The following LOXL3 variants were observed in gnomAD, a reference collection of about 807,000 sequenced individuals.
The protein encoded by LOXL3 is lysyl oxidase like 3, also known as lysyl oxidase homolog 3.
In LOXL3, 60 loss-of-function variants were observed where a neutral mutation model predicts 91.8. The ratio of observed to expected loss-of-function variants is 0.65; its 90% CI spans 0.53 to 0.81. The LOEUF (loss-of-function observed/expected upper bound fraction) is 0.81. LOXL3 is among the 30% of genes least tolerant of loss of function. LOXL3 has a pLI of 0.00. For synonymous variants in LOXL3, 355 were observed against 387.6 expected (o/e 0.92, Z 0.99); for missense variants, 874 against 1,000.4 (o/e 0.87, Z 1.70).
At chr2:74,551,718 A>G (rs1320874012) in intron 2 of LOXL3, among the ~76,000 whole-genome samples, 1 of 152,262 alleles carries the variant, frequency 6.6e-6, no homozygotes, top group Admixed American at 6.5e-5. Flanking sequence ...GAACTGGGGA[A>G]TCAGCTGCAG....
At chr2:74,548,368 GT>G (rs996266252) in intron 4 of LOXL3, among the ~76,000 whole-genome samples, 9 of 152,224 alleles carry the variant, frequency 5.9e-5, no homozygotes, top group African/African-American at 1.7e-4. Context: ...ACCTGAACTG[GT>G]TTTAAGTGAT....
Position 74,535,383 on chromosome 2 carries a change from C to G in LOXL3, c.1488G>C (p.Glu496Asp), listed in dbSNP as rs1675956594. 3 of 1,613,742 alleles carry G rather than the reference C, an allele frequency of 1.9e-6. No individual in the cohort carries two copies. The highest frequency in any genetic ancestry group is 1.3e-5 in the African/African-American group (1 of 74,928). ...GATGGGCACACTGATCCAGGGACAG[C>G]TCAGTCCCTGTGCAGCGCACTCCAC... ...VMSGVRCTGTELSLDQCAHHG... is the reference protein window; with the variant it reads ...VMSGVRCTGTDLSLDQCAHHG... The change falls in exon 9 of 14, where the codon GAG becomes GAC. Residue 496 changes from glutamate to aspartate, a missense_variant. By Grantham distance (45) the Glu-to-Asp change is conservative. Transcript: ENST00000264094. The surrounding 1 kb of genome is among the most constrained non-coding windows in gnomAD (Gnocchi z 4.2).
In LOXL3 at chr2:74,549,610, A is replaced by G; in HGVS notation, c.478-27T>C. Reference sequence around the variant, plus strand: ...TGGGGGCGGGGCCACAAGCAGGGAAAGAATCCCAGTGGCACCTTTCATGTG... The same window carrying G: ...TGGGGGCGGGGCCACAAGCAGGGAAGGAATCCCAGTGGCACCTTTCATGTG... On this transcript the variant is annotated intron_variant, in intron 3 of 13. Transcript: ENST00000264094. The surrounding 1 kb of genome is among the most constrained non-coding windows in gnomAD (Gnocchi z 5.3). 4 of 1,591,162 alleles carry G rather than the reference A, an allele frequency of 2.5e-6. No individual in the cohort carries two copies. Among genetic ancestry groups the G allele is most frequent in the Non-Finnish European group, 3.4e-6 (4 of 1,164,488 alleles).
intron 4 of LOXL3, among the ~76,000 whole-genome samples, chr2:74,547,154 G>A (rs1043699901): frequency 5.9e-5 from 9 of 152,016 alleles, no homozygotes; most frequent in African/African-American, 2.2e-4. Context: ...GGGACTACAG[G>A]CACGCACCAC....
intron 4 of LOXL3, among the ~76,000 whole-genome samples, chr2:74,546,959 G>C (rs184336598): frequency 6.6e-6 from 1 of 151,802 alleles, no homozygotes. Context: ...CAGGTGATCC[G>C]CGCCTCGACC....
intron 4 of LOXL3, among the ~76,000 whole-genome samples, chr2:74,545,977 C>A (rs546165600): frequency 1.3e-5 from 2 of 152,270 alleles, no homozygotes; most frequent in African/African-American, 4.8e-5. Context: ...CCCTCCACCC[C>A]CAAGCCCATC....
chr2:74,550,637 A>T (rs1676947308), intron 2 of LOXL3, among the ~76,000 whole-genome samples: 1 of 152,236 alleles, frequency 6.6e-6, no homozygotes, highest in South Asian at 2.1e-4. Context: ...CCATTCATTG[A>T]TAGCTACAAT....
At chr2:74,554,641 C>A (rs979260195), upstream of LOXL3, 108 of 1,010,070 alleles carry the variant, frequency 1.1e-4, 1 homozygote, top group Non-Finnish European at 3.2e-5. This position sits in a 1 kb window ranked among gnomAD's most constrained non-coding sequence, Gnocchi z 4.9. Flanking sequence ...ACCCCCCCAG[C>A]GGCTGCCGGC....
At position 74,534,693 on chromosome 2, in the gene LOXL3, C is replaced by T; in HGVS notation, c.1661G>A (p.Cys554Tyr). 2 of 1,614,170 alleles carry T rather than the reference C, an allele frequency of 1.2e-6. No individual in the cohort carries two copies. Among genetic ancestry groups the T allele is most frequent in the Non-Finnish European group, 8.5e-7 (1 of 1,180,026 alleles). Residue 554 changes from cysteine to tyrosine, a missense_variant, in exon 10 of 14, where the codon TGT becomes TAT. Coordinates refer to ENST00000264094, the MANE Select transcript of LOXL3 (RefSeq NM_032603.5). ...GGCCAGGCAGTTCTCTTCCGCAGCA[C>T]AGTACAACATATGCAGGGGCCGGTC... ...IEDRPLHMLYCAAEENCLASS... is the reference protein window; with the variant it reads ...IEDRPLHMLYYAAEENCLASS...
At chr2:74,555,492 G>GA, upstream of LOXL3, 1 of 1,610,108 alleles carries the variant, frequency 6.2e-7, no homozygotes, top group Non-Finnish European at 8.5e-7. This position sits in a 1 kb window ranked among gnomAD's most constrained non-coding sequence, Gnocchi z 6.1. Flanking sequence ...GGCAGTTACA[G>GA]AGGCAGAGAA....
At chr2:74,548,146 A>G (rs543300067) in intron 4 of LOXL3, among the ~76,000 whole-genome samples, 1 of 152,372 alleles carries the variant, frequency 6.6e-6, no homozygotes, top group South Asian at 2.1e-4. Flanking sequence ...CATTTGGATG[A>G]AGCCAGAAGG....
At chr2:74,534,049 T>G (rs1428740868) in intron 12 of LOXL3, 51 bp downstream of exon 12, 2 of 1,611,930 alleles carry the variant, frequency 1.2e-6, no homozygotes, top group Admixed American at 3.3e-5. Flanking sequence ...TTCAAAGGTG[T>G]CTTTAACGCT....
chr2:74,533,996 G>A lies in LOXL3; in HGVS notation c.2077-3C>T. 6.2e-7 allele frequency: 1 copy of A among 1,613,368 alleles called. No individual in the cohort carries two copies. Among genetic ancestry groups the A allele is most frequent in the Admixed American group, 1.7e-5 (1 of 59,992 alleles). On this transcript the variant is annotated splice_polypyrimidine_tract_variant and splice_region_variant and intron_variant, in intron 12 of 13. Transcript: ENST00000264094. Reference sequence around the variant, plus strand: ...TCAAAGTTTGGGTTGATGACAACCTGTGAGTGAGAAAAAGGCCACTTAACC... The same window carrying A: ...TCAAAGTTTGGGTTGATGACAACCTATGAGTGAGAAAAAGGCCACTTAACC...
At chr2:74,544,966 C>T (rs1676520385) in intron 4 of LOXL3, among the ~76,000 whole-genome samples, 1 of 152,224 alleles carries the variant, frequency 6.6e-6, no homozygotes, top group Non-Finnish European at 1.5e-5. Flanking sequence ...GTATCTCTTT[C>T]TCCAGCCTTT....
At position 74,552,523 on chromosome 2, in the gene LOXL3, C is replaced by A. The variant is rs767989657; in HGVS notation, c.112G>T (p.Gly38Trp). 1 of 1,613,332 alleles carries A rather than the reference C, an allele frequency of 6.2e-7. No individual in the cohort carries two copies. Among genetic ancestry groups the A allele is most frequent in the East Asian group, 2.2e-5 (1 of 44,884 alleles). ...AGCCGGAACCGAAGCCCCTGGCTCCCGGCCTTCTTCTCAGGGCCCGTGGAA... is the reference window on the plus strand; with the variant it reads ...AGCCGGAACCGAAGCCCCTGGCTCCAGGCCTTCTTCTCAGGGCCCGTGGAA... ...SPSTGPEKKA[G>W]SQGLRFRLAG... The change falls in exon 2 of 14, where the codon GGG becomes TGG. Residue 38 changes from glycine to tryptophan, a missense_variant. By Grantham distance (184) the Gly-to-Trp change is radical. Coordinates refer to ENST00000264094, the MANE Select transcript of LOXL3 (RefSeq NM_032603.5).
Position 74,534,415 on chromosome 2 carries a change from C to CCA in LOXL3, c.1838_1839dup (p.Asp614TrpfsTer72), listed in dbSNP as rs1558617038. 1.1e-5 allele frequency: 17 copies of CCA among 1,614,046 alleles called. No homozygotes were observed. Among genetic ancestry groups the CCA allele is most frequent in the Non-Finnish European group, 1.4e-5 (17 of 1,180,022 alleles). ...AGGATATCATAGTGAGTGAAGATGT[C>CCA]CATGCTGTGGTAATGCCTGTGGGGA... On this transcript the variant is annotated frameshift_variant, in exon 11 of 14. Coordinates refer to ENST00000264094, the MANE Select transcript of LOXL3 (RefSeq NM_032603.5). LOFTEE classifies it high-confidence loss of function.
chr2:74,555,111 T>C (rs2104466494), upstream of LOXL3: 3 of 1,571,694 alleles, frequency 1.9e-6, no homozygotes, highest in East Asian at 2.3e-5. This position sits in a 1 kb window ranked among gnomAD's most constrained non-coding sequence, Gnocchi z 6.1. Flanking sequence ...CCGGGCCGCC[T>C]GCGCACGCCA....
At chr2:74,552,672 C>A (rs368354956) in intron 1 of LOXL3, 26 bp from the exon 2 acceptor site, 5 of 1,482,930 alleles carry the variant, frequency 3.4e-6, no homozygotes, top group South Asian at 2.6e-5. Flanking sequence ...ACAAAGTGTG[C>A]GTGAGAGAAA....
In LOXL3 at chr2:74,534,083, C is replaced by T; in HGVS notation, c.2076+17G>A. On this transcript the variant is annotated intron_variant, in intron 12 of 13. Transcript: ENST00000264094. The stretch of plus-strand genomic sequence containing the variant: ...CTCCCCCCACTCACCCATCTGGAAG[C>T]CCCAGACTCCAGGTACCTGGAGAAT... 1 of 1,613,610 alleles carries T rather than the reference C, an allele frequency of 6.2e-7. No individual in the cohort carries two copies. The highest frequency in any genetic ancestry group is 8.5e-7 in the Non-Finnish European group (1 of 1,179,598).
Sources: gnomAD v4.1 joint callset for allele counts (sites outside exome capture counted in the v4.1 genomes callset) on GRCh38, gnomAD v4.1.1 for gene constraint, Gnocchi (gnomAD v3.1) non-coding constraint, MANE v1.5 for transcripts, NCBI Gene and HGNC (gene_info 2026-07-23, HGNC 2026-07-21) for gene names.